NAB1: variants seen among roughly 807,000 people sequenced by gnomAD.
NAB1 encodes NGFI-A-binding protein 1.
In NAB1, 25 loss-of-function variants were observed where a neutral mutation model predicts 49.9. That is an observed-to-expected ratio of 0.50 (90% CI 0.37 to 0.70). NAB1 has a LOEUF of 0.70. Among genes scored for constraint, NAB1 ranks in the 30% least tolerant of loss-of-function variants. The probability of loss-of-function intolerance (pLI) is 0.00; values close to 1 mark genes in which losing one functional copy is unlikely to be tolerated. For missense variants in NAB1, 489 were observed against 575.9 expected (o/e 0.85, Z 1.54); for synonymous variants, 198 against 215.6 (o/e 0.92, Z 0.71).
chr2:190,678,458 C>T lies in NAB1; in HGVS notation c.1006-5280C>T, dbSNP rs1695176990. Among the ~76,000 whole-genome samples the T allele has an allele frequency of 6.6e-6, 1 of 152,182 alleles. No individual in the cohort carries two copies. The highest frequency in any genetic ancestry group is 6.5e-5 in the Admixed American group (1 of 15,280). ...GGCAGCTGACTAACTGGACTGAGTG[C>T]TATTTCTCATTTGAGTTTTCTTCAT... On this transcript the variant is annotated intron_variant, in intron 6 of 9. Coordinates refer to ENST00000337386, the MANE Select transcript of NAB1 (RefSeq NM_005966.4). This position sits in a 1 kb window ranked among gnomAD's most constrained non-coding sequence, Gnocchi z 4.9.
Position 190,670,432 on chromosome 2 carries a change from C to T in NAB1, c.926C>T (p.Thr309Ile), listed in dbSNP as rs1694744820. The T allele has an allele frequency of 6.2e-7, 1 of 1,613,726 alleles. No individual in the cohort carries two copies. Among genetic ancestry groups the T allele is most frequent in the African/African-American group, 1.3e-5 (1 of 74,862 alleles). Residue 309 changes from threonine to isoleucine, a missense_variant, in exon 5 of 10, where the codon ACC (threonine) becomes ATC (isoleucine). Transcript: ENST00000337386. The surrounding 1 kb of genome is among the most constrained non-coding windows in gnomAD (Gnocchi z 5.3). ...GCTCGACAGATTTCTCGAGAAGTCA[C>T]CTATAAATATACTTACAGAACCACC... ...ALARQISREVTYKYTYRTTKS... is the reference protein window; with the variant it reads ...ALARQISREVIYKYTYRTTKS...
intron 3 of NAB1, 139 bp downstream of exon 3, chr2:190,656,292 T>A (rs780078158): frequency 2.0e-5 from 3 of 152,266 alleles, no homozygotes; most frequent in Non-Finnish European, 1.5e-5. Context: ...GACCTTCATG[T>A]TGAATCATTA....
intron 7 of NAB1, 88 bp downstream of exon 7, chr2:190,683,915 T>A: frequency 9.8e-7 from 1 of 1,016,984 alleles, no homozygotes; most frequent in South Asian, 1.5e-5. Context: ...GTTTTAAGTA[T>A]CTGAGGCCTG....
rs16832799 is a variant in NAB1 at position 190,670,168 on chromosome 2, C to T, written c.820-158C>T. 2.1e-3 allele frequency among the ~76,000 whole-genome samples: 322 copies of T among 152,062 alleles called. 2 individuals carry two copies. The highest frequency in any genetic ancestry group is 7.5e-3 in the African/African-American group (312 of 41,462). On this transcript the variant is annotated intron_variant, in intron 4 of 9. Coordinates refer to ENST00000337386, the MANE Select transcript of NAB1 (RefSeq NM_005966.4). This position sits in a 1 kb window ranked among gnomAD's most constrained non-coding sequence, Gnocchi z 5.3. ...GATGAGTTGGTTTTCTTCTGAAATT[C>T]GGCATTAGGAATAATTAGGAATAAA...
rs1334807407 is a variant in NAB1, at chr2:190,685,335, G to A, written c.1096-141G>A. 5.9e-6 allele frequency: 4 copies of A among 678,258 alleles called. 1 individual carries two copies. Among genetic ancestry groups the A allele is most frequent in the Middle Eastern group, 4.3e-4 (1 of 2,316 alleles). The allele number at this position is 678,258 out of a possible 1,614,324, so 42.0% of individuals were successfully genotyped here. On this transcript the variant is annotated intron_variant, in intron 7 of 9. Transcript: ENST00000337386. The surrounding 1 kb of genome is among the most constrained non-coding windows in gnomAD (Gnocchi z 4.5). ...GATATAGACATCTATGCATATTTATGGAATTTGTATACCACATGAAGTGTG... is the reference window on the plus strand; with the variant it reads ...GATATAGACATCTATGCATATTTATAGAATTTGTATACCACATGAAGTGTG...
chr2:190,682,824 T>C lies in NAB1; in HGVS notation c.1006-914T>C, dbSNP rs1695414506. On this transcript the variant is annotated intron_variant, in intron 6 of 9. Coordinates refer to ENST00000337386, the MANE Select transcript of NAB1 (RefSeq NM_005966.4). This position sits in a 1 kb window ranked among gnomAD's most constrained non-coding sequence, Gnocchi z 4.1. ...AGAATTCTTAGTGCTGACAAGGAAATTGTCATGTATTGCTTGTGGTATGAT... is the reference window on the plus strand; with the variant it reads ...AGAATTCTTAGTGCTGACAAGGAAACTGTCATGTATTGCTTGTGGTATGAT... 6.6e-6 allele frequency among the ~76,000 whole-genome samples: 1 copy of C among 152,126 alleles called. No homozygotes were observed. Among genetic ancestry groups the C allele is most frequent in the African/African-American group, 2.4e-5 (1 of 41,424 alleles).
At chr2:190,673,041 T>C in intron 5 of NAB1, 60 bp from the exon 6 acceptor site, 4 of 1,543,616 alleles carry the variant, frequency 2.6e-6, no homozygotes, top group Non-Finnish European at 3.5e-6. Flanking sequence ...GAGATGCCTT[T>C]GGAATAAAAT....
chr2:190,679,652 G>T lies in NAB1; in HGVS notation c.1006-4086G>T, dbSNP rs776768442. ...ACTTCCAGTGGGCAGATACACAGGT[G>T]GTGTAATCCTAATTTAAAAATTTGG... On this transcript the variant is annotated intron_variant, in intron 6 of 9. Coordinates refer to ENST00000337386, the MANE Select transcript of NAB1 (RefSeq NM_005966.4). The surrounding 1 kb of genome is among the most constrained non-coding windows in gnomAD (Gnocchi z 5.3). Among the ~76,000 whole-genome samples, 5 of 152,124 alleles carry T rather than the reference G, an allele frequency of 3.3e-5. No homozygotes were observed. Among genetic ancestry groups the T allele is most frequent in the Non-Finnish European group, 7.4e-5 (5 of 68,026 alleles).
chr2:190,670,579 T>G lies in NAB1; in HGVS notation c.953+120T>G, dbSNP rs1574451443. ...AAGTGGAAGTATGATTATTGTTCTA[T>G]GAAACTAAACAATGCAGTGATTTTG... On this transcript the variant is annotated intron_variant, in intron 5 of 9. Coordinates refer to ENST00000337386, the MANE Select transcript of NAB1 (RefSeq NM_005966.4). The surrounding 1 kb of genome is among the most constrained non-coding windows in gnomAD (Gnocchi z 5.3). The G allele has an allele frequency of 8.8e-7, 1 of 1,132,270 alleles. No homozygotes were observed. Among genetic ancestry groups the G allele is most frequent in the Non-Finnish European group, 1.2e-6 (1 of 801,770 alleles). 70.1% of individuals were successfully genotyped at this position (1,132,270 alleles called of 1,614,324 possible). A position where few individuals can be genotyped will look rare whatever the true frequency, so the allele number is the denominator to read the frequency against.
chr2:190,675,729 A>C lies in NAB1; in HGVS notation c.1005+2577A>C, dbSNP rs953259835. 2.6e-5 allele frequency among the ~76,000 whole-genome samples: 4 copies of C among 152,182 alleles called. No individual in the cohort carries two copies. The highest frequency in any genetic ancestry group is 6.5e-5 in the Admixed American group (1 of 15,274). ...CTTTTGATTTTGTTTCCCAGAAATA[A>C]GTAGTAACTACACCTTTGAATTTAG... On this transcript the variant is annotated intron_variant, in intron 6 of 9. Transcript: ENST00000337386. This position sits in a 1 kb window ranked among gnomAD's most constrained non-coding sequence, Gnocchi z 5.2.
chr2:190,656,384 G>A (rs1693920336), intron 3 of NAB1, among the ~76,000 whole-genome samples: 1 of 152,174 alleles, frequency 6.6e-6, no homozygotes, highest in Non-Finnish European at 1.5e-5. Context: ...GAAGGGGTGG[G>A]TGTTTAAATT....
At chr2:190,660,186 ATTGAAC>A (rs1276326049) in intron 4 of NAB1, among the ~76,000 whole-genome samples, 191 bp downstream of exon 4, 2 of 152,192 alleles carry the variant, frequency 1.3e-5, no homozygotes, top group Non-Finnish European at 2.9e-5. Context: ...GTATATTTGT[ATTGAAC>A]TTGAACATGT....
chr2:190,666,241 G>T lies in NAB1; in HGVS notation c.820-4085G>T, dbSNP rs1216993062. On this transcript the variant is annotated intron_variant, in intron 4 of 9. Transcript: ENST00000337386. The surrounding 1 kb of genome is among the most constrained non-coding windows in gnomAD (Gnocchi z 5.6). Reference sequence around the variant, plus strand: ...TTTTGAGCCTCCCTATCACACAGTTGTTCACAGTGTTTTTGTGCCAACAGT... The same window carrying T: ...TTTTGAGCCTCCCTATCACACAGTTTTTCACAGTGTTTTTGTGCCAACAGT... 6.6e-6 allele frequency among the ~76,000 whole-genome samples: 1 copy of T among 151,932 alleles called. No homozygotes were observed. The highest frequency in any genetic ancestry group is 1.5e-5 in the Non-Finnish European group (1 of 67,990).
intron 4 of NAB1, among the ~76,000 whole-genome samples, chr2:190,662,172 T>G (rs1694259610): frequency 6.6e-6 from 1 of 152,206 alleles, no homozygotes; most frequent in African/African-American, 2.4e-5. Context: ...GATACTGTTC[T>G]CTTAATCTTT....
rs1466499107 is a variant in NAB1, at chr2:190,666,411, AGCTAACTTTAAGAG to A, written c.820-3912_820-3899del. ...GTTTTTAAGTCCGGTTATAAAAGAT[AGCTAACTTTAAGAG>A]GCCGGGCATGGTGGCTCACGCCTGT... On this transcript the variant is annotated intron_variant, in intron 4 of 9. Coordinates refer to ENST00000337386, the MANE Select transcript of NAB1 (RefSeq NM_005966.4). The surrounding 1 kb of genome is among the most constrained non-coding windows in gnomAD (Gnocchi z 5.6). Among the ~76,000 whole-genome samples the A allele has an allele frequency of 1.3e-5, 2 of 152,232 alleles. No individual in the cohort carries two copies. The highest frequency in any genetic ancestry group is 4.1e-4 in the South Asian group (2 of 4,832).
At position 190,674,412 on chromosome 2, in the gene NAB1, C is replaced by T. The variant is rs1204574656; in HGVS notation, c.1005+1260C>T. Reference sequence around the variant, plus strand: ...TCACAGCCGAGTTTCCCCTGACTTCCCTGCCTCCCTTTCTAAAGGGGCACC... The same window carrying T: ...TCACAGCCGAGTTTCCCCTGACTTCTCTGCCTCCCTTTCTAAAGGGGCACC... On this transcript the variant is annotated intron_variant, in intron 6 of 9. Transcript: ENST00000337386. This position sits in a 1 kb window ranked among gnomAD's most constrained non-coding sequence, Gnocchi z 5.7. Among the ~76,000 whole-genome samples the T allele has an allele frequency of 2.6e-5, 4 of 152,312 alleles. No individual in the cohort carries two copies. The highest frequency in any genetic ancestry group is 2.0e-4 in the Admixed American group (3 of 15,300).
In NAB1 at chr2:190,663,264, GTTAT is replaced by G. The variant is rs1395323606; in HGVS notation, c.819+3274_819+3277del. Among the ~76,000 whole-genome samples the G allele has an allele frequency of 2.6e-5, 4 of 152,146 alleles. No homozygotes were observed. The highest frequency in any genetic ancestry group is 2.1e-4 in the South Asian group (1 of 4,822). On this transcript the variant is annotated intron_variant, in intron 4 of 9. Transcript: ENST00000337386. This position sits in a 1 kb window ranked among gnomAD's most constrained non-coding sequence, Gnocchi z 4.2. The stretch of plus-strand genomic sequence containing the variant: ...GAGTTTTCAAACTTAGTGGCGTAAA[GTTAT>G]TTATAGTTTTTTAAGACCTAATATT...
At chr2:190,671,421 A>G (rs1025949831) in intron 5 of NAB1, among the ~76,000 whole-genome samples, 1 of 152,224 alleles carries the variant, frequency 6.6e-6, no homozygotes, top group African/African-American at 2.4e-5. Flanking sequence ...ATAACTGACA[A>G]GTAAAATCAT....
intron 5 of NAB1, among the ~76,000 whole-genome samples, 196 bp from the exon 6 acceptor site, chr2:190,672,905 C>T (rs868866766): frequency 1.3e-5 from 2 of 152,012 alleles, no homozygotes; most frequent in South Asian, 4.2e-4. Context: ...TGTATCTATA[C>T]CTTCCCCTAG....
Sources: allele counts gnomAD v4.1 joint callset (sites outside exome capture counted in the v4.1 genomes callset), GRCh38; gene constraint gnomAD v4.1.1; non-coding constraint Gnocchi (gnomAD v3.1); transcripts MANE v1.5; gene names NCBI Gene and HGNC (gene_info 2026-07-23, HGNC 2026-07-21).